MARCHF8: variants seen among roughly 807,000 people sequenced by gnomAD.
MARCHF8 encodes the protein E3 ubiquitin-protein ligase MARCHF8.
Under a neutral mutation model 51.6 loss-of-function variants are expected in MARCHF8, and 40 were observed. The observed-to-expected ratio is 0.77, with a 90% CI of 0.60 to 1.01. The LOEUF (loss-of-function observed/expected upper bound fraction) is 1.01, where lower values mean the gene tolerates loss of function less well. Ranked by LOEUF, MARCHF8 falls within the 50% of genes least tolerant of loss-of-function variation. The pLI, the probability that MARCHF8 is intolerant of heterozygous loss-of-function variation, is 0.00. For missense variants in MARCHF8, 685 were observed against 708.6 expected, an observed-to-expected ratio of 0.97 and a Z score of 0.38; for synonymous variants, 263 against 280.3, an observed-to-expected ratio of 0.94 and a Z score of 0.62.
At chr10:45,481,402 C>T (rs978180908) in intron 3 of MARCHF8, among the ~76,000 whole-genome samples, 3 of 151,972 alleles carry the variant, frequency 2.0e-5, no homozygotes, top group Non-Finnish European at 2.9e-5. Context: ...TGGGAGGGGC[C>T]GAGGGCGGAA....
intron 1 of MARCHF8, among the ~76,000 whole-genome samples, chr10:45,569,064 CAAAAAAAAAAAAA>C (rs71023131): frequency 1.6e-5 from 1 of 64,430 alleles, no homozygotes; most frequent in Non-Finnish European, 3.0e-5. Flanking sequence ...GACTCCATCT[CAAAAAAAAAAAAA>C]AAAAAAAAAT....
At chr10:45,504,721 T>C (rs1343033985) in intron 2 of MARCHF8, among the ~76,000 whole-genome samples, 1 of 152,158 alleles carries the variant, frequency 6.6e-6, no homozygotes, top group Non-Finnish European at 1.5e-5. Flanking sequence ...CTAGATGGTG[T>C]TTCCTAAATT....
At chr10:45,494,739 G>A (rs1188313920) in intron 2 of MARCHF8, among the ~76,000 whole-genome samples, 3 of 152,124 alleles carry the variant, frequency 2.0e-5, no homozygotes, top group Admixed American at 6.5e-5. Context: ...GTAATACCAC[G>A]AAGTAAAGCA....
chr10:45,528,669 T>C (rs1357212947), intron 2 of MARCHF8, among the ~76,000 whole-genome samples: 1 of 152,148 alleles, frequency 6.6e-6, no homozygotes, highest in Non-Finnish European at 1.5e-5. Flanking sequence ...GTAGCATTTC[T>C]ATACAACAAT....
intron 2 of MARCHF8, 125 bp downstream of exon 2, chr10:45,532,985 A>G: frequency 1.6e-6 from 1 of 631,856 alleles, no homozygotes; most frequent in Non-Finnish European, 2.4e-6. Context: ...GAGTACAACT[A>G]TTTGTGTGCT....
chr10:45,550,003 C>A (rs568323966), intron 1 of MARCHF8, among the ~76,000 whole-genome samples: 327 of 152,324 alleles, frequency 2.1e-3, no homozygotes, highest in Non-Finnish European at 3.5e-3. Flanking sequence ...ATGGGAGAAA[C>A]AAGTGAAGTC....
chr10:45,489,544 C>CTACATACATCTAG, intron 2 of MARCHF8, 127 bp from the exon 3 acceptor site: 4 of 776,642 alleles, frequency 5.2e-6, no homozygotes, highest in Non-Finnish European at 8.6e-6. Context: ...GCACAACCTA[C>CTACATACATCTAG]TATATACTAG....
At chr10:45,469,988 A>G (rs1466875736) in intron 3 of MARCHF8, among the ~76,000 whole-genome samples, 1 of 152,168 alleles carries the variant, frequency 6.6e-6, no homozygotes, top group Admixed American at 6.5e-5. Context: ...AAAAAAAATA[A>G]AAGAAGAAGA....
chr10:45,584,670 G>C (rs186695880), intron 1 of MARCHF8, among the ~76,000 whole-genome samples: 2 of 152,158 alleles, frequency 1.3e-5, no homozygotes, highest in Non-Finnish European at 2.9e-5. Flanking sequence ...GCTGTGAAAG[G>C]ACCACGGAGA....
chr10:45,577,430 G>A (rs539859080), intron 1 of MARCHF8, among the ~76,000 whole-genome samples: 10 of 152,056 alleles, frequency 6.6e-5, no homozygotes, highest in Admixed American at 5.2e-4. Flanking sequence ...TATTTGCCGC[G>A]ATATGATTAT....
chr10:45,538,530 T>A (rs2044005997), upstream of MARCHF8, among the ~76,000 whole-genome samples: 1 of 152,134 alleles, frequency 6.6e-6, no homozygotes, highest in East Asian at 1.9e-4. Context: ...GCAAATTGGA[T>A]AAAGAGTCAA....
chr10:45,531,754 A>G (rs542883859), intron 2 of MARCHF8, among the ~76,000 whole-genome samples: 33 of 152,328 alleles, frequency 2.2e-4, no homozygotes, highest in African/African-American at 7.7e-4. Context: ...CAGGTGGATT[A>G]TTTGAGTCTA....
At chr10:45,593,819 G>T (rs1454636551) in intron 1 of MARCHF8, among the ~76,000 whole-genome samples, 1 of 152,118 alleles carries the variant, frequency 6.6e-6, no homozygotes, top group Non-Finnish European at 1.5e-5. Flanking sequence ...AAAATAAAGA[G>T]AAAAATAACA....
At chr10:45,525,657 G>A (rs555205024) in intron 2 of MARCHF8, among the ~76,000 whole-genome samples, 85 of 152,160 alleles carry the variant, frequency 5.6e-4, no homozygotes, top group Non-Finnish European at 7.2e-4. Context: ...AGACCTGATA[G>A]TCACTATATC....
chr10:45,546,111 A>AT (rs2044117348), intron 1 of MARCHF8, among the ~76,000 whole-genome samples: 1 of 152,046 alleles, frequency 6.6e-6, no homozygotes, highest in Non-Finnish European at 1.5e-5. Context: ...CAGCGAGTTC[A>AT]TTTTAAAATA....
In MARCHF8 at chr10:45,571,150, A is replaced by G. The variant is rs958332137; in HGVS notation, c.-79+23085T>C. Among the ~76,000 whole-genome samples the G allele has an allele frequency of 1.1e-4, 17 of 152,242 alleles. 2 individuals carry two copies. Among genetic ancestry groups the G allele is most frequent in the Admixed American group, 1.1e-3 (17 of 15,284 alleles). On this transcript the variant is annotated intron_variant, in intron 1 of 6. Transcript: ENST00000319836. The stretch of plus-strand genomic sequence containing the variant: ...CTAGAACGGCCAAAACAATCTTAAA[A>G]AAGAACAAAGTTGAAGGAGTTAATG...
chr10:45,575,640 G>A (rs7095806), intron 1 of MARCHF8, among the ~76,000 whole-genome samples: 36,646 of 151,724 alleles, frequency 0.24, 4,593 homozygotes, highest in South Asian at 0.37. Flanking sequence ...AAAAATTTTC[G>A]CTACCCCAAC....
chr10:45,534,914 T>C (rs1426094352), intron 1 of MARCHF8, among the ~76,000 whole-genome samples: 1 of 152,076 alleles, frequency 6.6e-6, no homozygotes, highest in Non-Finnish European at 1.5e-5. Context: ...TTCACACAAC[T>C]CTAGAATCAA....
At chr10:45,510,012 G>A (rs541594695) in intron 2 of MARCHF8, among the ~76,000 whole-genome samples, 2 of 152,322 alleles carry the variant, frequency 1.3e-5, no homozygotes, top group South Asian at 4.1e-4. Flanking sequence ...CATCTCATAC[G>A]TGCCTGACTT....
Sources: allele counts gnomAD v4.1 joint callset (sites outside exome capture counted in the v4.1 genomes callset), GRCh38; gene constraint gnomAD v4.1.1; transcripts MANE v1.5; gene names NCBI Gene and HGNC (gene_info 2026-07-23, HGNC 2026-07-21).